Variants in SORCS1 observed in about 807,000 individuals in gnomAD.
SORCS1 encodes VPS10 domain-containing receptor SorCS1.
In SORCS1, 60 loss-of-function variants were observed where a neutral mutation model predicts 146.1. That is an observed-to-expected ratio of 0.41 (90% CI 0.33 to 0.51). The LOEUF (loss-of-function observed/expected upper bound fraction) is 0.51. SORCS1 is among the 20% of genes least tolerant of loss of function. The pLI is 0.21. For missense variants in SORCS1, 1,352 were observed against 1,487.6 expected, an observed-to-expected ratio of 0.91 and a Z score of 1.50; for synonymous variants, 637 against 584.0, an observed-to-expected ratio of 1.09 and a Z score of -1.31.
intron 12 of SORCS1, among the ~76,000 whole-genome samples, chr10:106,678,017 T>C (rs921073035): frequency 1.3e-5 from 2 of 152,184 alleles, no homozygotes; most frequent in Admixed American, 6.5e-5. Flanking sequence ...CATTTGGTCT[T>C]TCTCCAAATG....
At chr10:107,110,938 C>T (rs1204165628) in intron 1 of SORCS1, among the ~76,000 whole-genome samples, 2 of 152,090 alleles carry the variant, frequency 1.3e-5, no homozygotes, top group Non-Finnish European at 2.9e-5. Flanking sequence ...CAGACAAAAG[C>T]CATGCCTACC....
chr10:106,602,957 G>A (rs1331230842), intron 23 of SORCS1, among the ~76,000 whole-genome samples: 2 of 152,092 alleles, frequency 1.3e-5, no homozygotes, highest in East Asian at 1.9e-4. Flanking sequence ...TTCAGGCTCT[G>A]CATCTGCCAA....
intron 1 of SORCS1, among the ~76,000 whole-genome samples, chr10:106,989,269 C>CA (rs1956633521): frequency 2.5e-5 from 1 of 40,480 alleles, no homozygotes; most frequent in African/African-American, 1.1e-4. Context: ...GGCTCCACCT[C>CA]AGAAAAAAAA....
intron 1 of SORCS1, among the ~76,000 whole-genome samples, chr10:107,162,009 T>C (rs1969746120): frequency 1.3e-5 from 2 of 152,196 alleles, no homozygotes; most frequent in African/African-American, 4.8e-5. Context: ...TCCTACGTTA[T>C]CTCAGACCTG....
chr10:106,933,430 T>A (rs189441076), intron 2 of SORCS1, among the ~76,000 whole-genome samples: 1 of 152,330 alleles, frequency 6.6e-6, no homozygotes, highest in Admixed American at 6.5e-5. Flanking sequence ...GTATTTAGCA[T>A]ATTTCCAGGC....
chr10:107,066,159 C>T (rs1416885624), intron 1 of SORCS1, among the ~76,000 whole-genome samples: 1 of 152,078 alleles, frequency 6.6e-6, no homozygotes, highest in Non-Finnish European at 1.5e-5. Context: ...TACCTGACTC[C>T]TTTTCTCATT....
chr10:106,872,299 C>T (rs1950441145), intron 2 of SORCS1, among the ~76,000 whole-genome samples: 1 of 152,172 alleles, frequency 6.6e-6, no homozygotes, highest in Admixed American at 6.5e-5. Context: ...GAGAGAAGAT[C>T]AAGTGCAAGG....
intron 2 of SORCS1, among the ~76,000 whole-genome samples, chr10:106,865,878 C>G (rs916909810): frequency 5.3e-5 from 8 of 150,010 alleles, no homozygotes; most frequent in Non-Finnish European, 8.9e-5. Context: ...ACTGAAAATA[C>G]AAAAATTGGC....
At chr10:107,000,436 A>C (rs1197506972) in intron 1 of SORCS1, among the ~76,000 whole-genome samples, 2 of 149,418 alleles carry the variant, frequency 1.3e-5, no homozygotes, top group Non-Finnish European at 2.9e-5. Flanking sequence ...CGTCTCTACT[A>C]AAATACAAAA....
At chr10:107,177,564 C>G in the SORCS1 span, among the ~76,000 whole-genome samples, 1 of 152,044 alleles carries the variant, frequency 6.6e-6, no homozygotes. Flanking sequence ...AAATAATGTA[C>G]AGTATATTTC....
intron 1 of SORCS1, among the ~76,000 whole-genome samples, chr10:107,119,592 A>G (rs1275485971): frequency 3.3e-5 from 5 of 152,174 alleles, no homozygotes; most frequent in African/African-American, 9.7e-5. Flanking sequence ...TGAGATAATC[A>G]TATTAAATAA....
chr10:107,013,115 C>T (rs1957754490), intron 1 of SORCS1, among the ~76,000 whole-genome samples: 1 of 152,160 alleles, frequency 6.6e-6, no homozygotes, highest in East Asian at 1.9e-4. Flanking sequence ...CAGTTGGTAG[C>T]TAATTAATGT....
At chr10:106,744,862 C>A (rs1176644720) in intron 5 of SORCS1, among the ~76,000 whole-genome samples, 1 of 152,104 alleles carries the variant, frequency 6.6e-6, no homozygotes, top group Non-Finnish European at 1.5e-5. Context: ...AGTTGCCCAA[C>A]TGAACAAAGA....
intron 1 of SORCS1, among the ~76,000 whole-genome samples, chr10:107,151,630 C>T (rs1968806391): frequency 6.6e-6 from 1 of 152,204 alleles, no homozygotes; most frequent in African/African-American, 2.4e-5. Context: ...CTAGGTCCCT[C>T]CCACAACAAG....
chr10:106,658,980 T>C (rs1028898348), intron 17 of SORCS1, among the ~76,000 whole-genome samples: 3 of 152,222 alleles, frequency 2.0e-5, no homozygotes, highest in Non-Finnish European at 4.4e-5. Flanking sequence ...TTGTGACTCT[T>C]CATCAATAGA....
intron 3 of SORCS1, among the ~76,000 whole-genome samples, chr10:106,813,547 T>C (rs905767540): frequency 1.2e-4 from 19 of 152,184 alleles, no homozygotes; most frequent in African/African-American, 4.3e-4. Flanking sequence ...AATCTTAAAG[T>C]TAGAACAAGA....
At chr10:106,899,605 T>G (rs1951621895) in intron 2 of SORCS1, among the ~76,000 whole-genome samples, 1 of 151,512 alleles carries the variant, frequency 6.6e-6, no homozygotes, top group East Asian at 1.9e-4. Context: ...TTTTTTTTTT[T>G]TTTTTTTGTC....
intron 1 of SORCS1, among the ~76,000 whole-genome samples, chr10:107,005,146 C>T (rs769444832): frequency 3.4e-4 from 51 of 152,132 alleles, no homozygotes; most frequent in Non-Finnish European, 5.0e-4. Context: ...AATCCCATCA[C>T]GGCATTATTT....
chr10:106,923,878 A>G (rs1180392686), intron 2 of SORCS1, among the ~76,000 whole-genome samples: 1 of 152,220 alleles, frequency 6.6e-6, no homozygotes, highest in Non-Finnish European at 1.5e-5. Flanking sequence ...TATAGTGTGG[A>G]TAACAGTTCT....
Sources: allele counts gnomAD v4.1 joint callset (sites outside exome capture counted in the v4.1 genomes callset), GRCh38; gene constraint gnomAD v4.1.1; transcripts MANE v1.5; gene names NCBI Gene and HGNC (gene_info 2026-07-23, HGNC 2026-07-21).